The following MYO16 variants were observed in gnomAD, a reference collection of about 807,000 sequenced individuals.
The protein encoded by MYO16 is unconventional myosin-XVI.
In MYO16, 94 loss-of-function variants were observed where a neutral mutation model predicts 205.3. The ratio of observed to expected loss-of-function variants is 0.46; its 90% confidence interval spans 0.39 to 0.54. The LOEUF is 0.54. Among genes scored for constraint, MYO16 ranks in the 20% least tolerant of loss-of-function variants. The pLI, the probability that MYO16 is intolerant of heterozygous loss-of-function variation, is 0.00. For missense variants in MYO16, 2,315 were observed against 2,387.5 expected, an observed-to-expected ratio of 0.97 and a Z score of 0.63; for synonymous variants, 988 against 954.0, an observed-to-expected ratio of 1.04 and a Z score of -0.66.
intron 11 of MYO16, among the ~76,000 whole-genome samples, chr13:108,863,615 T>C (rs1302281842): frequency 1.3e-5 from 2 of 152,134 alleles, no homozygotes; most frequent in African/African-American, 4.8e-5. Context: ...GATTTTTACA[T>C]GTATTTTAAT....
At chr13:109,069,621 T>G (rs1032093052) in intron 27 of MYO16, among the ~76,000 whole-genome samples, 1 of 152,096 alleles carries the variant, frequency 6.6e-6, no homozygotes, top group Admixed American at 6.6e-5. Flanking sequence ...TATGACCTCA[T>G]GGCTTTTCTT....
upstream of MYO16, among the ~76,000 whole-genome samples, chr13:108,626,469 T>TTGGTCATTTCTC (rs1879739912): frequency 6.6e-6 from 1 of 152,198 alleles, no homozygotes; most frequent in African/African-American, 2.4e-5. Flanking sequence ...TAATTTAGCC[T>TTGGTCATTTCTC]TGGTCATTTC....
intron 20 of MYO16, among the ~76,000 whole-genome samples, chr13:108,981,036 T>A (rs1167908059): frequency 2.0e-5 from 3 of 152,220 alleles, no homozygotes; most frequent in Non-Finnish European, 4.4e-5. Flanking sequence ...ATGCCTCCCA[T>A]GTTGATGACC....
chr13:109,199,849 C>G (rs1450621109), intron 34 of MYO16, among the ~76,000 whole-genome samples: 2 of 152,018 alleles, frequency 1.3e-5, no homozygotes, highest in Non-Finnish European at 2.9e-5. Flanking sequence ...TTTGTTGTTA[C>G]CAGTAGTACA....
intron 4 of MYO16, among the ~76,000 whole-genome samples, chr13:108,761,435 T>C (rs1885605397): frequency 6.6e-6 from 1 of 151,462 alleles, no homozygotes; most frequent in Non-Finnish European, 1.5e-5. Context: ...AGAAAACTTA[T>C]TAGTGAAGCC....
At chr13:108,582,645 G>T in the MYO16 span, among the ~76,000 whole-genome samples, 1 of 152,196 alleles carries the variant, frequency 6.6e-6, no homozygotes, top group South Asian at 2.1e-4. Flanking sequence ...GTTAGGTGAA[G>T]ATTGAGTTGA....
At chr13:108,762,499 A>C (rs1885642566) in intron 4 of MYO16, among the ~76,000 whole-genome samples, 1 of 152,114 alleles carries the variant, frequency 6.6e-6, no homozygotes. Context: ...ATCTTCACCA[A>C]CATTTTTTTT....
intron 1 of MYO16, among the ~76,000 whole-genome samples, chr13:108,656,214 G>A (rs1483309122): frequency 1.3e-5 from 2 of 152,088 alleles, no homozygotes; most frequent in African/African-American, 2.4e-5. Flanking sequence ...TTTGAATCAT[G>A]GGAGCAGTTT....
chr13:109,197,734 C>T (rs1880218954), intron 34 of MYO16, among the ~76,000 whole-genome samples: 1 of 152,164 alleles, frequency 6.6e-6, no homozygotes, highest in African/African-American at 2.4e-5. Context: ...AATGTATAGA[C>T]ATACAGTGTT....
intron 13 of MYO16, chr13:108,886,573 G>A (rs1879899777): frequency 6.8e-6 from 3 of 442,358 alleles, no homozygotes; most frequent in Admixed American, 2.4e-5. Context: ...AGCTTAGGGC[G>A]CAAACTGCTG....
intron 5 of MYO16, among the ~76,000 whole-genome samples, chr13:108,788,799 G>A (rs1412250066): frequency 6.6e-6 from 1 of 151,978 alleles, no homozygotes; most frequent in African/African-American, 2.4e-5. Flanking sequence ...ATCTCTCTTT[G>A]ACATTCGATG....
intron 27 of MYO16, among the ~76,000 whole-genome samples, chr13:109,099,674 G>T (rs1463703950): frequency 1.3e-5 from 2 of 152,204 alleles, no homozygotes; most frequent in African/African-American, 4.8e-5. Flanking sequence ...CTGTACTGCC[G>T]CACATGTGAG....
the MYO16 span, among the ~76,000 whole-genome samples, chr13:108,574,669 TTGTGTGTGTGTGTGTGTG>T: frequency 2.2e-5 from 3 of 136,458 alleles, no homozygotes; most frequent in African/African-American, 8.4e-5. Context: ...CAATAACAAT[TTGTGTGTGTGTGTGTGTG>T]TGTGTGTGTG....
At chr13:108,641,923 G>T (rs1024356468) in intron 1 of MYO16, among the ~76,000 whole-genome samples, 1 of 152,176 alleles carries the variant, frequency 6.6e-6, no homozygotes, top group Non-Finnish European at 1.5e-5. Context: ...AGTCATGTAG[G>T]TTGGACAGGG....
chr13:108,831,214 C>T (rs1364637822), intron 9 of MYO16, among the ~76,000 whole-genome samples: 1 of 152,174 alleles, frequency 6.6e-6, no homozygotes, highest in African/African-American at 2.4e-5. Context: ...ACATACCAGC[C>T]ACTGTCCTGG....
chr13:109,079,684 C>G (rs1409059814), intron 27 of MYO16, among the ~76,000 whole-genome samples: 2 of 151,980 alleles, frequency 1.3e-5, no homozygotes, highest in Non-Finnish European at 2.9e-5. Flanking sequence ...GATCCATACC[C>G]CAAACCTCAG....
intron 4 of MYO16, among the ~76,000 whole-genome samples, chr13:108,734,683 T>C (rs775011323): frequency 1.3e-5 from 2 of 152,194 alleles, no homozygotes; most frequent in African/African-American, 2.4e-5. Flanking sequence ...TAGCAAAATA[T>C]CAATGCTGCC....
intron 33 of MYO16, among the ~76,000 whole-genome samples, chr13:109,172,081 A>G (rs1218683761): frequency 1.3e-5 from 2 of 152,206 alleles, no homozygotes; most frequent in Admixed American, 6.5e-5. Flanking sequence ...TTCTGGGAAC[A>G]TCTAAGAAGG....
intron 2 of MYO16, among the ~76,000 whole-genome samples, chr13:108,702,925 A>G (rs1466764958): frequency 6.6e-6 from 1 of 152,058 alleles, no homozygotes; most frequent in African/African-American, 2.4e-5. Flanking sequence ...TTATGAGAAA[A>G]TAAATAATAT....
Sources: gnomAD v4.1 joint callset for allele counts (sites outside exome capture counted in the v4.1 genomes callset) on GRCh38, gnomAD v4.1.1 for gene constraint, MANE v1.5 for transcripts, NCBI Gene and HGNC (gene_info 2026-07-23, HGNC 2026-07-21) for gene names.